Variants in ASXL3 observed in about 807,000 individuals in gnomAD.
ASXL3 encodes the protein putative Polycomb group protein ASXL3.
Under a neutral mutation model 170.6 loss-of-function variants are expected in ASXL3, and 34 were observed. That is an observed-to-expected ratio of 0.20 (90% CI 0.15 to 0.27). The LOEUF is 0.27. Among genes scored for constraint, ASXL3 ranks in the 10% least tolerant of loss-of-function variants. ASXL3 has a pLI of 1.00. For synonymous variants in ASXL3, 1,002 were observed against 989.1 expected (o/e 1.01, Z -0.24); for missense variants, 2,592 against 2,695.3 (o/e 0.96, Z 0.85).
chr18:33,578,900 CCCCG>C (rs2064969571), intron 1 of ASXL3: 1 of 207,896 alleles, frequency 4.8e-6, no homozygotes, highest in African/African-American at 2.4e-5. Context: ...TCTCCGGGAG[CCCCG>C]CGTCCGGGAC....
In ASXL3 at chr18:33,744,005, C is replaced by G. The variant is rs752189480; in HGVS notation, c.4157C>G (p.Ser1386Cys). Reference sequence around the variant, plus strand: ...GGGAGTGAAGAACAGGCCACTGTATCCATGGGTACCACTGTGAGAGCAGCC... The same window carrying G: ...GGGAGTGAAGAACAGGCCACTGTATGCATGGGTACCACTGTGAGAGCAGCC... ...IPGSEEQATV[S>C]MGTTVRAALS... is the part of the protein sequence containing the mutation. The change falls in exon 12 of 12, where the codon TCC (serine) becomes TGC (cysteine). Residue 1386 changes from serine to cysteine, a missense_variant. By Grantham distance (112) the Ser-to-Cys change is moderately radical. Transcript: ENST00000269197. 3 of 1,614,038 alleles carry G rather than the reference C, an allele frequency of 1.9e-6. No individual in the cohort carries two copies. In the African/African-American group the frequency reaches 4.0e-5, roughly 22 times the overall value.
At chr18:33,654,456 C>A (rs764185475) in intron 4 of ASXL3, among the ~76,000 whole-genome samples, 2 of 152,110 alleles carry the variant, frequency 1.3e-5, no homozygotes, top group Non-Finnish European at 2.9e-5. Context: ...AAACTGCCAT[C>A]TGGATAGCTA....
intron 2 of ASXL3, among the ~76,000 whole-genome samples, chr18:33,629,702 A>G (rs1384421359): frequency 6.6e-6 from 1 of 152,052 alleles, no homozygotes; most frequent in Non-Finnish European, 1.5e-5. Context: ...ATTGCTGTCA[A>G]ATAATGCACA....
At chr18:33,651,819 G>A (rs1346819629) in intron 4 of ASXL3, among the ~76,000 whole-genome samples, 2 of 152,016 alleles carry the variant, frequency 1.3e-5, no homozygotes, top group Non-Finnish European at 2.9e-5. Flanking sequence ...TCCTCTTCTT[G>A]GGATCAACTG....
chr18:33,741,613 CAG>C (rs2067664744), intron 11 of ASXL3, among the ~76,000 whole-genome samples: 2 of 152,066 alleles, frequency 1.3e-5, no homozygotes, highest in Non-Finnish European at 2.9e-5. Flanking sequence ...TGGAATAGAA[CAG>C]AGACTTCACA....
intron 4 of ASXL3, among the ~76,000 whole-genome samples, chr18:33,651,045 C>T (rs930729990): frequency 2.6e-5 from 4 of 152,080 alleles, no homozygotes; most frequent in Non-Finnish European, 5.9e-5. Flanking sequence ...ACACCAAAGG[C>T]CAGACTCTCA....
intron 4 of ASXL3, among the ~76,000 whole-genome samples, chr18:33,650,594 A>G (rs2065981814): frequency 6.6e-6 from 1 of 152,138 alleles, no homozygotes; most frequent in Admixed American, 6.6e-5. Context: ...AGGGTGACAG[A>G]TAGCATGAGA....
At position 33,744,288 on chromosome 18, in the gene ASXL3, G is replaced by A. The variant is rs370255009; in HGVS notation, c.4440G>A (p.Thr1480=). 5.0e-5 allele frequency: 81 copies of A among 1,613,824 alleles called. No individual in the cohort carries two copies. The highest frequency in any genetic ancestry group is 5.9e-5 in the Non-Finnish European group (70 of 1,179,888). The stretch of plus-strand genomic sequence containing the variant: ...AAGTCATCGTTGACCACAGCACCAC[G>A]CTGACCTCCAGTTTGTCTCTGACTG... ...PCKVIVDHST[T]LTSSLSLTVS... The change falls in exon 12 of 12, where the codon ACG becomes ACA. Residue 1480 remains threonine (T), a synonymous_variant. Transcript: ENST00000269197.
chr18:33,689,818 A>G (rs970086009), intron 8 of ASXL3, among the ~76,000 whole-genome samples: 1 of 152,176 alleles, frequency 6.6e-6, no homozygotes, highest in Admixed American at 6.5e-5. Flanking sequence ...TAAACTGTGT[A>G]AATATCCTGT....
chr18:33,726,709 C>A (rs1773827489), intron 8 of ASXL3, among the ~76,000 whole-genome samples: 1 of 152,032 alleles, frequency 6.6e-6, no homozygotes, highest in Non-Finnish European at 1.5e-5. Context: ...GACAGCAGTA[C>A]TCTAAATATT....
In ASXL3 at chr18:33,630,137, A is replaced by G. The variant is rs557862836; in HGVS notation, c.138-14757A>G. Among the ~76,000 whole-genome samples, 3 of 151,946 alleles carry G rather than the reference A, an allele frequency of 2.0e-5. No individual in the cohort carries two copies. In the South Asian group the frequency reaches 6.2e-4, roughly 31 times the overall value. On this transcript the variant is annotated intron_variant, in intron 2 of 11. Coordinates refer to ENST00000269197, the MANE Select transcript of ASXL3 (RefSeq NM_030632.3). Reference sequence around the variant, plus strand: ...GCCTACTACTGGATTCTTAAGATGTATTTTTAAGTGTCACATACTAAGTCT... The same window carrying G: ...GCCTACTACTGGATTCTTAAGATGTGTTTTTAAGTGTCACATACTAAGTCT...
chr18:33,740,317 C>G lies in ASXL3; in HGVS notation c.2913C>G (p.Ser971Arg). 1 of 1,611,514 alleles carries G rather than the reference C, an allele frequency of 6.2e-7. No homozygotes were observed. Among genetic ancestry groups the G allele is most frequent in the African/African-American group, 1.3e-5 (1 of 75,000 alleles). ...AGAGAAAAACTGCAGAGCAACACAG[C>G]TTTGGAATCTGTAAGGAAAAGAGAG... Reference protein sequence around the residue: ...ISKRKTAEQHSFGICKEKRAR... With the variant: ...ISKRKTAEQHRFGICKEKRAR... Residue 971 changes from serine (S) to arginine (R), a missense_variant, in exon 11 of 12, where the codon AGC (serine) becomes AGG (arginine). By Grantham distance (110) the Ser-to-Arg change is moderately radical. Coordinates refer to ENST00000269197, the MANE Select transcript of ASXL3 (RefSeq NM_030632.3).
chr18:33,743,932 C>T lies in ASXL3; in HGVS notation c.4084C>T (p.Pro1362Ser). Residue 1362 changes from proline (P) to serine (S), a missense_variant, in exon 12 of 12, where the codon CCA (proline) becomes TCA (serine). Transcript: ENST00000269197. ...CTCCACTAGCTCTGTCTTGATTCCC[C>T]CAATGGGAATTAACAACAGATTTCC... ...NLSTSSVLIP[P>S]MGINNRFPSE... The T allele has an allele frequency of 6.2e-7, 1 of 1,614,008 alleles. No individual in the cohort carries two copies. Among genetic ancestry groups the T allele is most frequent in the South Asian group, 1.1e-5 (1 of 91,072 alleles).
intron 8 of ASXL3, among the ~76,000 whole-genome samples, chr18:33,714,619 C>T (rs929478017): frequency 6.6e-5 from 10 of 152,004 alleles, no homozygotes; most frequent in African/African-American, 2.4e-4. Flanking sequence ...GAAGCAAGCT[C>T]CCTTTTCATT....
intron 8 of ASXL3, among the ~76,000 whole-genome samples, chr18:33,706,269 A>G (rs2066956220): frequency 6.6e-6 from 1 of 151,840 alleles, no homozygotes; most frequent in South Asian, 2.1e-4. Flanking sequence ...TAATCAAGAT[A>G]ACATGGACAT....
chr18:33,677,702 T>G (rs1199878419), intron 7 of ASXL3, among the ~76,000 whole-genome samples: 1 of 152,198 alleles, frequency 6.6e-6, no homozygotes, highest in Non-Finnish European at 1.5e-5. Flanking sequence ...ATAATTCCTA[T>G]AGTTCATTAA....
chr18:33,722,229 AGT>A (rs1459329061), intron 8 of ASXL3, among the ~76,000 whole-genome samples: 1 of 152,096 alleles, frequency 6.6e-6, no homozygotes, highest in East Asian at 1.9e-4. Flanking sequence ...AAGTTGCATA[AGT>A]CTCACTTTTC....
At chr18:33,700,881 G>A (rs1034979139) in intron 8 of ASXL3, among the ~76,000 whole-genome samples, 1 of 152,024 alleles carries the variant, frequency 6.6e-6, no homozygotes, top group Non-Finnish European at 1.5e-5. Flanking sequence ...TAAAAGTAAA[G>A]GGATGAGTCA....
intron 7 of ASXL3, among the ~76,000 whole-genome samples, chr18:33,681,849 A>T (rs2066521061): frequency 6.6e-6 from 1 of 151,724 alleles, no homozygotes; most frequent in Admixed American, 6.6e-5. Flanking sequence ...TCACATTTTG[A>T]CTCATCATTT....
Sources: allele counts gnomAD v4.1 joint callset (sites outside exome capture counted in the v4.1 genomes callset), GRCh38; gene constraint gnomAD v4.1.1; transcripts MANE v1.5; gene names NCBI Gene and HGNC (gene_info 2026-07-23, HGNC 2026-07-21).